Variants in SV2C observed in about 807,000 individuals in gnomAD.
The protein encoded by SV2C is solute carrier family 22 member B3.
A neutral mutation model predicts 79.7 loss-of-function variants in SV2C; 49 were observed. That is an observed-to-expected ratio of 0.61 (90% CI 0.49 to 0.78). The LOEUF is 0.78. Among genes scored for constraint, SV2C ranks in the 30% least tolerant of loss-of-function variants. The pLI is 0.00. For missense variants in SV2C, 833 were observed against 912.9 expected (o/e 0.91, Z 1.13); for synonymous variants, 334 against 333.2 (o/e 1.00, Z -0.03).
intron 6 of SV2C, among the ~76,000 whole-genome samples, chr5:76,287,166 T>C (rs750108055): frequency 3.1e-4 from 47 of 152,346 alleles, no homozygotes; most frequent in Non-Finnish European, 6.3e-4. Flanking sequence ...ATAGGCCTTA[T>C]TATAAGGGAT....
At chr5:76,091,926 A>G (rs1346069996) in intron 1 of SV2C, 2 of 152,216 alleles carry the variant, frequency 1.3e-5, no homozygotes, top group Non-Finnish European at 2.9e-5. Flanking sequence ...TATGTCTATC[A>G]GAACCTGATC....
intron 4 of SV2C, among the ~76,000 whole-genome samples, chr5:76,239,129 T>C (rs141011774): frequency 4.3e-4 from 65 of 152,296 alleles, no homozygotes; most frequent in African/African-American, 1.6e-3. Context: ...TTTCCTTGGC[T>C]CCACTAAGCC....
At chr5:76,291,960 T>G in intron 8 of SV2C, 104 bp downstream of exon 8, 1 of 791,060 alleles carries the variant, frequency 1.3e-6, no homozygotes, top group Non-Finnish European at 2.0e-6. Flanking sequence ...GCTGTTAACC[T>G]GCTAAGGAAG....
chr5:75,984,567 A>ATCTC, the SV2C span, among the ~76,000 whole-genome samples: 1 of 102,922 alleles, frequency 9.7e-6, no homozygotes, highest in South Asian at 2.7e-4. Flanking sequence ...CTATCTATCT[A>ATCTC]TATCTATCTA....
At chr5:75,982,029 A>G in the SV2C span, among the ~76,000 whole-genome samples, 4 of 138,228 alleles carry the variant, frequency 2.9e-5, no homozygotes, top group South Asian at 2.3e-4. Context: ...GAATTGAACA[A>G]TGAGATCACA....
chr5:76,251,714 T>C (rs1016405367), intron 4 of SV2C, among the ~76,000 whole-genome samples: 11 of 152,180 alleles, frequency 7.2e-5, no homozygotes, highest in Non-Finnish European at 1.3e-4. Flanking sequence ...TAAGAACCAG[T>C]GGTATCCAGT....
At chr5:76,087,573 A>G (rs1747241173) in intron 1 of SV2C, among the ~76,000 whole-genome samples, 1 of 152,174 alleles carries the variant, frequency 6.6e-6, no homozygotes, top group South Asian at 2.1e-4. Context: ...TTTAAGTGGG[A>G]ATTTCTGAGC....
the SV2C span, among the ~76,000 whole-genome samples, chr5:75,881,186 G>A: frequency 2.6e-5 from 4 of 152,154 alleles, no homozygotes; most frequent in African/African-American, 7.2e-5. Context: ...TGGGGATTAT[G>A]TTTCAACGAG....
chr5:76,183,063 T>G (rs1580337086), intron 2 of SV2C, among the ~76,000 whole-genome samples: 1 of 118,208 alleles, frequency 8.5e-6, no homozygotes, highest in Admixed American at 1.1e-4. Flanking sequence ...TGAGACAGAG[T>G]CTCACTCTTG....
intron 4 of SV2C, among the ~76,000 whole-genome samples, chr5:76,258,473 G>A (rs981631798): frequency 6.6e-6 from 1 of 152,068 alleles, no homozygotes. Flanking sequence ...CTTGACCTTC[G>A]GTCACCTCTA....
At chr5:76,008,064 T>A in the SV2C span, among the ~76,000 whole-genome samples, 1 of 152,192 alleles carries the variant, frequency 6.6e-6, no homozygotes, top group Non-Finnish European at 1.5e-5. Flanking sequence ...AGATTCTTTC[T>A]AAGTTTCAGC....
chr5:75,978,597 T>C, the SV2C span, among the ~76,000 whole-genome samples: 1 of 152,208 alleles, frequency 6.6e-6, no homozygotes, highest in South Asian at 2.1e-4. Flanking sequence ...CACACAAATA[T>C]ATATGTTTCC....
intron 12 of SV2C, among the ~76,000 whole-genome samples, chr5:76,313,826 A>G (rs192686102): frequency 1.6e-4 from 25 of 152,300 alleles, no homozygotes; most frequent in African/African-American, 6.0e-4. Flanking sequence ...CATTGCTTAT[A>G]CAGAACAGCA....
chr5:76,152,422 G>A (rs1208388437), intron 2 of SV2C, among the ~76,000 whole-genome samples: 2 of 152,224 alleles, frequency 1.3e-5, no homozygotes, highest in African/African-American at 2.4e-5. Context: ...TTAAGTGCCA[G>A]TAATCACATC....
intron 12 of SV2C, among the ~76,000 whole-genome samples, chr5:76,314,898 C>G (rs115715893): frequency 1.3e-5 from 2 of 152,174 alleles, no homozygotes; most frequent in Non-Finnish European, 2.9e-5. Context: ...GTCATTCCAT[C>G]ATTATTTACC....
chr5:76,028,587 G>A, the SV2C span, among the ~76,000 whole-genome samples: 1 of 152,160 alleles, frequency 6.6e-6, no homozygotes, highest in Non-Finnish European at 1.5e-5. Flanking sequence ...CCCCGCTTTT[G>A]AACTTAGATG....
chr5:75,952,150 A>G, the SV2C span, among the ~76,000 whole-genome samples: 6 of 152,024 alleles, frequency 3.9e-5, no homozygotes, highest in Admixed American at 2.6e-4. Context: ...GTGAACTGAA[A>G]CAGAAAAATG....
chr5:75,989,231 T>A, the SV2C span, among the ~76,000 whole-genome samples: 1 of 151,920 alleles, frequency 6.6e-6, no homozygotes, highest in South Asian at 2.1e-4. Context: ...GGTGGTTTGC[T>A]GCAAAGATTA....
chr5:75,921,202 G>T, the SV2C span: 2 of 1,049,586 alleles, frequency 1.9e-6, no homozygotes, highest in Non-Finnish European at 2.9e-6. Context: ...TGAGCCAGGG[G>T]CCAGCAGCCG....
Sources: gnomAD v4.1 joint callset for allele counts (sites outside exome capture counted in the v4.1 genomes callset) on GRCh38, gnomAD v4.1.1 for gene constraint, MANE v1.5 for transcripts, NCBI Gene and HGNC (gene_info 2026-07-23, HGNC 2026-07-21) for gene names.